Variants in DPY19L2 observed in about 807,000 individuals in gnomAD.
DPY19L2 encodes dpy-19 like 2.
DPY19L2 carries 34 observed loss-of-function variants against 97.9 expected under a neutral mutation model. The ratio of observed to expected loss-of-function variants is 0.35; its 90% CI spans 0.26 to 0.46. The LOEUF (loss-of-function observed/expected upper bound fraction) is 0.46, where lower values mean the gene tolerates loss of function less well. Among genes scored for constraint, DPY19L2 ranks in the 20% least tolerant of loss-of-function variants. The pLI is 1.00. For synonymous variants in DPY19L2, 230 were observed against 307.9 expected, an observed-to-expected ratio of 0.75 and a Z score of 2.65; for missense variants, 623 against 911.4, an observed-to-expected ratio of 0.68 and a Z score of 4.07.
chr12:63,603,976 A>G (rs143530771), intron 12 of DPY19L2, among the ~76,000 whole-genome samples: 2 of 152,284 alleles, frequency 1.3e-5, no homozygotes, highest in East Asian at 3.9e-4. Context: ...CAGAAATAAA[A>G]CCACGTATCT....
upstream of DPY19L2, chr12:63,668,653 T>C (rs989460811): frequency 6.2e-6 from 3 of 483,676 alleles, no homozygotes; most frequent in African/African-American, 3.9e-5. Flanking sequence ...TCCCAGAGCG[T>C]GCAGCTTCCG....
intron 18 of DPY19L2, 48 bp downstream of exon 18, chr12:63,582,358 A>C: frequency 6.3e-7 from 1 of 1,582,450 alleles, no homozygotes. Flanking sequence ...TACTAAGTAT[A>C]GCTGCTATAG....
chr12:63,585,137 T>A (rs556747191), intron 16 of DPY19L2, among the ~76,000 whole-genome samples: 9 of 152,176 alleles, frequency 5.9e-5, no homozygotes, highest in Non-Finnish European at 7.4e-5. Context: ...ATGAACAGTA[T>A]GGATACAATA....
intron 17 of DPY19L2, among the ~76,000 whole-genome samples, chr12:63,583,270 T>A (rs1169973270): frequency 6.6e-6 from 1 of 152,226 alleles, no homozygotes; most frequent in African/African-American, 2.4e-5. Context: ...CACTTAAAGT[T>A]CTATCAAATA....
intron 16 of DPY19L2, among the ~76,000 whole-genome samples, chr12:63,592,082 AGAC>A (rs1328230650): frequency 7.5e-6 from 1 of 132,982 alleles, no homozygotes; most frequent in Non-Finnish European, 1.6e-5. Flanking sequence ...AGACAAGAGA[AGAC>A]AAGAGAAAAG....
intron 6 of DPY19L2, among the ~76,000 whole-genome samples, chr12:63,631,742 T>C (rs878858009): frequency 6.6e-6 from 1 of 151,954 alleles, no homozygotes; most frequent in African/African-American, 2.4e-5. Flanking sequence ...GATACCAAAG[T>C]CTGGCAGAGA....
At chr12:63,657,776 T>A (rs556412591) in intron 4 of DPY19L2, among the ~76,000 whole-genome samples, 141 of 152,268 alleles carry the variant, frequency 9.3e-4, no homozygotes, top group African/African-American at 3.3e-3. Flanking sequence ...ACTTCCCCAA[T>A]CTTCCCTGAC....
chr12:63,600,216 A>T (rs1884908815), intron 13 of DPY19L2, 90 bp downstream of exon 13: 1 of 1,111,616 alleles, frequency 9.0e-7, no homozygotes, highest in Non-Finnish European at 1.4e-6. Flanking sequence ...TAACCTCTGT[A>T]AAATGAAGAG....
chr12:63,628,934 C>T (rs1049161099), intron 6 of DPY19L2, among the ~76,000 whole-genome samples: 1 of 151,848 alleles, frequency 6.6e-6, no homozygotes, highest in Non-Finnish European at 1.5e-5. Flanking sequence ...GCAGCATCCA[C>T]TGCTGATACC....
At position 63,577,985 on chromosome 12, in the gene DPY19L2, C is replaced by A. The variant is rs1312246041; in HGVS notation, c.1900+2677G>T. On this transcript the variant is annotated intron_variant, in intron 19 of 21. Coordinates refer to ENST00000324472, the MANE Select transcript of DPY19L2 (RefSeq NM_173812.5). Reference sequence around the variant, plus strand: ...GGAAATAAATATTTAGAAGAGGTATCTGCACTCCCATGTTTATTGCAGCAC... The same window carrying A: ...GGAAATAAATATTTAGAAGAGGTATATGCACTCCCATGTTTATTGCAGCAC... Among the ~76,000 whole-genome samples, 2 of 152,120 alleles carry A rather than the reference C, an allele frequency of 1.3e-5. 1 individual carries two copies. The highest frequency in any genetic ancestry group is 2.9e-5 in the Non-Finnish European group (2 of 67,984).
At position 63,619,920 on chromosome 12, in the gene DPY19L2, T is replaced by C. The variant is rs1243306032; in HGVS notation, c.1053+1318A>G. 3 of 453,682 alleles carry C rather than the reference T, an allele frequency of 6.6e-6. No individual in the cohort carries two copies. In the Admixed American group the frequency reaches 7.2e-5, roughly 11 times the overall value. 28.1% of individuals were successfully genotyped at this position (453,682 alleles called of 1,614,324 possible). A position where few individuals can be genotyped will look rare whatever the true frequency, so the allele number is the denominator to read the frequency against. Reference sequence around the variant, plus strand: ...TGGCATGTGCAAATAATGAAAACCATAGAATAATGTCTGTGTTATAACCTG... The same window carrying C: ...TGGCATGTGCAAATAATGAAAACCACAGAATAATGTCTGTGTTATAACCTG... On this transcript the variant is annotated intron_variant, in intron 9 of 21. Transcript: ENST00000324472.
chr12:63,644,327 T>C (rs1893101351), intron 6 of DPY19L2, 76 bp downstream of exon 6: 1 of 1,525,666 alleles, frequency 6.6e-7, no homozygotes, highest in South Asian at 1.3e-5. Context: ...TTAATTTTCC[T>C]TTTCATTTAA....
chr12:63,649,061 A>T (rs1429125940), intron 4 of DPY19L2, among the ~76,000 whole-genome samples: 1 of 152,128 alleles, frequency 6.6e-6, no homozygotes, highest in Non-Finnish European at 1.5e-5. Context: ...AATTTAAACA[A>T]CCTGCTCCTG....
chr12:63,630,522 C>G (rs1433131486), intron 6 of DPY19L2, among the ~76,000 whole-genome samples: 1 of 151,938 alleles, frequency 6.6e-6, no homozygotes. Context: ...GCTAACTGTC[C>G]TAAATATATA....
rs1002332211 is a variant in DPY19L2 at position 63,559,544 on chromosome 12, T to C, written c.*968A>G. On this transcript the variant is annotated 3_prime_UTR_variant, in exon 22 of 22. Coordinates refer to ENST00000324472, the MANE Select transcript of DPY19L2 (RefSeq NM_173812.5). ...ATTAGGGGAGAGGACTTAGAAAACA[T>C]GACTTTCCTCACCCAAAACCAAAAA... The C allele has an allele frequency of 2.6e-5, 4 of 152,584 alleles. No individual in the cohort carries two copies. The highest frequency in any genetic ancestry group is 9.7e-5 in the African/African-American group (4 of 41,430). The allele number at this position is 152,584 out of a possible 1,614,324, so 9.5% of individuals were successfully genotyped here.
chr12:63,627,024 G>A (rs1380607368), intron 6 of DPY19L2, among the ~76,000 whole-genome samples: 2 of 152,046 alleles, frequency 1.3e-5, no homozygotes, highest in African/African-American at 2.4e-5. Context: ...TGATCCACCC[G>A]CCTTGGCCTC....
At chr12:63,590,141 A>G (rs879921000) in intron 16 of DPY19L2, among the ~76,000 whole-genome samples, 15 of 151,954 alleles carry the variant, frequency 9.9e-5, no homozygotes, top group Admixed American at 3.3e-4. Context: ...AACAACAACA[A>G]CAACAACAAA....
intron 12 of DPY19L2, among the ~76,000 whole-genome samples, chr12:63,604,993 T>C (rs989335535): frequency 1.4e-4 from 21 of 152,242 alleles, no homozygotes; most frequent in Middle Eastern, 3.4e-3. Flanking sequence ...AGTCACTTTG[T>C]TTTTAGGTTT....
chr12:63,578,397 A>C (rs1880264778), intron 19 of DPY19L2, among the ~76,000 whole-genome samples: 1 of 152,140 alleles, frequency 6.6e-6, no homozygotes. Context: ...GTTTGGTAAC[A>C]CAGAAGGGTG....
Sources: allele counts gnomAD v4.1 joint callset (sites outside exome capture counted in the v4.1 genomes callset), GRCh38; gene constraint gnomAD v4.1.1; transcripts MANE v1.5; gene names NCBI Gene and HGNC (gene_info 2026-07-23, HGNC 2026-07-21).